The following CXADR variants were observed in gnomAD, a reference collection of about 807,000 sequenced individuals.
CXADR encodes CXADR cell adhesion molecule.
Under a neutral mutation model 40.3 loss-of-function variants are expected in CXADR, and 20 were observed. The ratio of observed to expected loss-of-function variants is 0.50; its 90% confidence interval spans 0.35 to 0.72. The LOEUF is 0.72. Among genes scored for constraint, CXADR ranks in the 30% least tolerant of loss-of-function variants. CXADR has a pLI of 0.01. For missense variants in CXADR, 332 were observed against 449.1 expected, an observed-to-expected ratio of 0.74 and a Z score of 2.36; for synonymous variants, 150 against 161.3, an observed-to-expected ratio of 0.93 and a Z score of 0.53.
chr21:17,551,146 T>C (rs2060962219), intron 2 of CXADR, among the ~76,000 whole-genome samples: 1 of 152,166 alleles, frequency 6.6e-6, no homozygotes, highest in Non-Finnish European at 1.5e-5. Flanking sequence ...ACACCTATAA[T>C]CACAGCACTT....
chr21:17,604,147 A>G, the CXADR span: 2 of 1,283,034 alleles, frequency 1.6e-6, no homozygotes, highest in South Asian at 2.6e-5. Flanking sequence ...TCACTTACAT[A>G]ATCAAAAAGG....
At chr21:17,547,407 G>T (rs1804517603) in intron 2 of CXADR, among the ~76,000 whole-genome samples, 1 of 152,170 alleles carries the variant, frequency 6.6e-6, no homozygotes, top group African/African-American at 2.4e-5. Context: ...GTGACCTAAG[G>T]TTACAGAAGA....
exon 8 of CXADR, chr21:17,593,299 G>A (rs1365955745): frequency 3.8e-6 from 4 of 1,050,820 alleles, no homozygotes; most frequent in African/African-American, 3.3e-5. Flanking sequence ...ACAGAGATTA[G>A]AGCAGCTGTA....
chr21:17,617,416 C>A, the CXADR span, among the ~76,000 whole-genome samples: 1 of 152,148 alleles, frequency 6.6e-6, no homozygotes, highest in African/African-American at 2.4e-5. Flanking sequence ...AGTATATGTG[C>A]TGCCGAAGCG....
chr21:17,610,543 A>G, the CXADR span, among the ~76,000 whole-genome samples: 48 of 152,226 alleles, frequency 3.2e-4, no homozygotes, highest in Non-Finnish European at 4.8e-4. Context: ...GATTGCCTCA[A>G]AGGACTTTAA....
At chr21:17,584,438 A>T (rs2061380827) in intron 7 of CXADR, among the ~76,000 whole-genome samples, 1 of 152,214 alleles carries the variant, frequency 6.6e-6, no homozygotes, top group Non-Finnish European at 1.5e-5. Context: ...TCCTGCATTC[A>T]CAAGTTTGGT....
At chr21:17,537,304 C>T (rs187571544) in intron 1 of CXADR, among the ~76,000 whole-genome samples, 2 of 152,190 alleles carry the variant, frequency 1.3e-5, no homozygotes, top group East Asian at 1.9e-4. Context: ...GTAAATGTAC[C>T]GTCATTCATT....
Position 17,515,566 on chromosome 21 carries a change from C to T in CXADR, c.43+2394C>T, listed in dbSNP as rs555070968. Among the ~76,000 whole-genome samples the T allele has an allele frequency of 3.5e-4, 53 of 152,316 alleles. 1 individual carries two copies. Among genetic ancestry groups the T allele is most frequent in the African/African-American group, 1.2e-3 (48 of 41,578 alleles). On this transcript the variant is annotated intron_variant, in intron 1 of 6. Transcript: ENST00000284878. ...GTGGCTCACGCCTGTAATCCCAGCA[C>T]TTTGGGAGGCCGAGGCGGGCAGATC... is the stretch of plus-strand genomic sequence containing the variant.
chr21:17,604,312 G>A, the CXADR span: 1 of 229,264 alleles, frequency 4.4e-6, no homozygotes, highest in East Asian at 1.7e-4. Flanking sequence ...GGGCACAGTG[G>A]TGGGCGCCTG....
chr21:17,584,955 T>C lies in CXADR; in HGVS notation c.1018-8197T>C, dbSNP rs756023963. 2.0e-5 allele frequency among the ~76,000 whole-genome samples: 3 copies of C among 152,248 alleles called. 1 individual carries two copies. The highest frequency in any genetic ancestry group is 1.3e-4 in the Admixed American group (2 of 15,286). On this transcript the variant is annotated intron_variant, in intron 7 of 7. Coordinates refer to the CXADR transcript ENST00000400169. ...TCAATCAGTATATTTTATCACTTCTTCTTTAGAAGTGGTTGATGGATGATT... is the reference window on the plus strand; with the variant it reads ...TCAATCAGTATATTTTATCACTTCTCCTTTAGAAGTGGTTGATGGATGATT...
At chr21:17,541,159 G>A (rs1240593041) in intron 1 of CXADR, among the ~76,000 whole-genome samples, 1 of 151,900 alleles carries the variant, frequency 6.6e-6, no homozygotes, top group Admixed American at 6.6e-5. Context: ...AGTTTACATC[G>A]GGGTTCACTC....
chr21:17,606,537 A>G, the CXADR span, among the ~76,000 whole-genome samples: 1 of 152,160 alleles, frequency 6.6e-6, no homozygotes, highest in South Asian at 2.1e-4. Flanking sequence ...AGTTAAGGAT[A>G]AAAAGATATA....
intron 7 of CXADR, among the ~76,000 whole-genome samples, chr21:17,580,417 G>T (rs1399347231): frequency 6.6e-6 from 1 of 152,172 alleles, no homozygotes; most frequent in Non-Finnish European, 1.5e-5. Flanking sequence ...CCAGGAGTTG[G>T]AGACCAGCCT....
At chr21:17,563,548 C>T (rs2061153614) in intron 6 of CXADR, among the ~76,000 whole-genome samples, 1 of 152,070 alleles carries the variant, frequency 6.6e-6, no homozygotes, top group South Asian at 2.1e-4. Flanking sequence ...GATCACTGAT[C>T]ACAGATCACC....
intron 6 of CXADR, among the ~76,000 whole-genome samples, chr21:17,561,894 T>G (rs2123313507): frequency 6.6e-6 from 1 of 152,364 alleles, no homozygotes; most frequent in East Asian, 1.9e-4. Context: ...TCAGTAGGTC[T>G]TAACGAGAAG....
rs780654687 is a variant in CXADR, at chr21:17,547,036, G to A, written c.53G>A (p.Arg18Lys). Residue 18 changes from arginine (R) to lysine (K), a missense_variant, in exon 2 of 7, where the codon AGA (arginine) becomes AAA (lysine). By Grantham distance (26) the Arg-to-Lys change is conservative. This residue lies in a region of CXADR where 162 missense variants were observed against 198.5 expected (regional missense o/e 0.82). Transcript: ENST00000284878. ...ACATTTCTTTCTCTAGATTTCGCCA[G>A]AAGTTTGAGTATCACTACTCCTGAA... ...VLLCGVVDFA[R>K]SLSITTPEEM... is the part of the protein sequence containing the mutation. 5.6e-6 allele frequency: 9 copies of A among 1,612,632 alleles called. No individual in the cohort carries two copies. Among genetic ancestry groups the A allele is most frequent in the Non-Finnish European group, 7.6e-6 (9 of 1,179,878 alleles).
chr21:17,535,809 C>T (rs780113456), intron 1 of CXADR, among the ~76,000 whole-genome samples: 1 of 152,060 alleles, frequency 6.6e-6, no homozygotes, highest in African/African-American at 2.4e-5. Context: ...GAGTTCAAGA[C>T]CAGCCTGAAT....
intron 1 of CXADR, among the ~76,000 whole-genome samples, chr21:17,544,586 C>G (rs973181109): frequency 1.3e-4 from 20 of 152,106 alleles, no homozygotes; most frequent in African/African-American, 1.7e-4. Flanking sequence ...TCCGTTGCCC[C>G]CTCTGTGGTT....
chr21:17,515,380 C>G (rs1263818855), intron 1 of CXADR, among the ~76,000 whole-genome samples: 1 of 151,934 alleles, frequency 6.6e-6, no homozygotes, highest in African/African-American at 2.4e-5. Flanking sequence ...CCTGGGAGGT[C>G]TAAGCTCATG....
Sources: gnomAD v4.1 joint callset for allele counts (sites outside exome capture counted in the v4.1 genomes callset) on GRCh38, gnomAD v4.1.1 for gene constraint, gnomAD v4.1.1 regional missense constraint, MANE v1.5 for transcripts, NCBI Gene and HGNC (gene_info 2026-07-23, HGNC 2026-07-21) for gene names.